Variants in PPP2R1A observed in about 807,000 individuals in gnomAD.
PPP2R1A encodes protein phosphatase 2 scaffold subunit Aalpha, also known as serine/threonine-protein phosphatase 2A 65 kDa regulatory subunit A alpha isoform.
PPP2R1A carries 15 observed loss-of-function variants against 67.1 expected under a neutral mutation model. The observed-to-expected ratio is 0.22, with a 90% CI of 0.15 to 0.34. PPP2R1A has a LOEUF of 0.34. PPP2R1A is among the 10% of genes least tolerant of loss of function. PPP2R1A has a pLI of 1.00. For synonymous variants in PPP2R1A, 337 were observed against 325.0 expected, an observed-to-expected ratio of 1.04 and a Z score of -0.40; for missense variants, 369 against 775.0, an observed-to-expected ratio of 0.48 and a Z score of 6.22.
At chr19:52,222,015 C>T (rs1978964507) in intron 12 of PPP2R1A, 84 bp from the exon 13 acceptor site, 1 of 1,397,478 alleles carries the variant, frequency 7.2e-7, no homozygotes. Flanking sequence ...TGATGATCAC[C>T]AGAGTGGCCT....
intron 2 of PPP2R1A, among the ~76,000 whole-genome samples, chr19:52,204,243 A>G (rs145602745): frequency 1.1e-3 from 168 of 152,354 alleles, no homozygotes; most frequent in African/African-American, 4.0e-3. Flanking sequence ...TTGGAGAAGA[A>G]CAGTGACCAC....
rs1241423356 is a variant in PPP2R1A, at chr19:52,221,124, C to T, written c.1509C>T (p.Phe503=). Reference sequence around the variant, plus strand: ...ACCTGCACCGCATGACTACGCTCTTCTGCATCAATGTGAGCCTTCCACCTG... The same window carrying T: ...ACCTGCACCGCATGACTACGCTCTTTTGCATCAATGTGAGCCTTCCACCTG... The part of the protein sequence containing the change: ...PNYLHRMTTL[F]CINVLSEVCG... The change falls in exon 12 of 15, where the codon TTC becomes TTT. Residue 503 remains phenylalanine, a synonymous_variant. Transcript: ENST00000322088. The T allele has an allele frequency of 6.2e-7, 1 of 1,614,216 alleles. No homozygotes were observed. The highest frequency in any genetic ancestry group is 1.7e-5 in the Admixed American group (1 of 60,030).
In PPP2R1A at chr19:52,213,243, C is replaced by G; in HGVS notation, c.807+133C>G. On this transcript the variant is annotated intron_variant, in intron 6 of 14. Coordinates refer to ENST00000322088, the MANE Select transcript of PPP2R1A (RefSeq NM_014225.6). This position sits in a 1 kb window ranked among gnomAD's most constrained non-coding sequence, Gnocchi z 4.2. ...GTTTGAGCAATAAGATCTCTATGAT[C>G]ATCTAACTGCGTCTCGCTTCGTGTG... 1 of 1,148,348 alleles carries G rather than the reference C, an allele frequency of 8.7e-7. No homozygotes were observed. Among genetic ancestry groups the G allele is most frequent in the Non-Finnish European group, 1.2e-6 (1 of 858,268 alleles). 71.1% of individuals were successfully genotyped at this position (1,148,348 alleles called of 1,614,324 possible).
At chr19:52,196,060 G>A (rs1261842885) in intron 1 of PPP2R1A, among the ~76,000 whole-genome samples, 1 of 152,132 alleles carries the variant, frequency 6.6e-6, no homozygotes, top group Non-Finnish European at 1.5e-5. Flanking sequence ...CATACAAAAA[G>A]CGCCTTGGAG....
chr19:52,209,415 A>G (rs151076768), intron 3 of PPP2R1A, among the ~76,000 whole-genome samples: 2 of 152,238 alleles, frequency 1.3e-5, no homozygotes, highest in Non-Finnish European at 2.9e-5. Context: ...TGACAGTGAC[A>G]TTATGCTGGC....
intron 13 of PPP2R1A, chr19:52,222,460 A>G (rs1978997192): frequency 1.9e-6 from 1 of 533,194 alleles, no homozygotes; most frequent in East Asian, 3.5e-5. Flanking sequence ...GCAGTCCTGT[A>G]TACTAGCAAC....
intron 1 of PPP2R1A, chr19:52,200,278 G>A (rs1040101946): frequency 5.4e-5 from 8 of 148,054 alleles, no homozygotes; most frequent in Admixed American, 1.3e-4. Flanking sequence ...TGACAGTGCT[G>A]GGAGCTATTA....
chr19:52,195,202 C>A (rs151004755), intron 1 of PPP2R1A, among the ~76,000 whole-genome samples: 1 of 151,984 alleles, frequency 6.6e-6, no homozygotes, highest in African/African-American at 2.4e-5. Flanking sequence ...AGTGGGAAGG[C>A]GGATTTTATT....
chr19:52,218,253 G>GC (rs1300168222), intron 9 of PPP2R1A, among the ~76,000 whole-genome samples: 2 of 151,970 alleles, frequency 1.3e-5, no homozygotes, highest in Non-Finnish European at 2.9e-5. Flanking sequence ...ATACACAGGC[G>GC]CCCACACAGT....
At chr19:52,191,742 C>T (rs1040858251) in intron 1 of PPP2R1A, among the ~76,000 whole-genome samples, 2 of 152,078 alleles carry the variant, frequency 1.3e-5, no homozygotes, top group African/African-American at 4.8e-5. Context: ...TAAATATATG[C>T]CATGTATGAG....
At chr19:52,193,875 G>A (rs2089475503) in intron 1 of PPP2R1A, among the ~76,000 whole-genome samples, 1 of 151,636 alleles carries the variant, frequency 6.6e-6, no homozygotes, top group Non-Finnish European at 1.5e-5. Context: ...ACTTTGGAAG[G>A]CCAAGGTGAA....
At position 52,213,503 on chromosome 19, in the gene PPP2R1A, G is replaced by A. The variant is rs1486331665; in HGVS notation, c.807+393G>A. Among the ~76,000 whole-genome samples, 1 of 118,548 alleles carries A rather than the reference G, an allele frequency of 8.4e-6. No individual in the cohort carries two copies. Among genetic ancestry groups the A allele is most frequent in the East Asian group, 2.6e-4 (1 of 3,868 alleles). The allele number at this position is 118,548 out of a possible 152,430, so 77.8% of individuals were successfully genotyped here. A position where few individuals can be genotyped will look rare whatever the true frequency, so the allele number is the denominator to read the frequency against. ...TTTTTTTTTTAAGATGGAGTCTGTC[G>A]CCCAGGCTAGAGTCTTGTTACCCAG... On this transcript the variant is annotated intron_variant, in intron 6 of 14. Coordinates refer to ENST00000322088, the MANE Select transcript of PPP2R1A (RefSeq NM_014225.6). This position sits in a 1 kb window ranked among gnomAD's most constrained non-coding sequence, Gnocchi z 4.2.
intron 3 of PPP2R1A, among the ~76,000 whole-genome samples, chr19:52,208,891 G>A (rs1005807200): frequency 3.3e-5 from 5 of 152,246 alleles, no homozygotes; most frequent in East Asian, 1.9e-4. Flanking sequence ...GATTTTAGGC[G>A]GTTCACACTC....
chr19:52,208,810 ACT>A (rs1351234750), intron 3 of PPP2R1A, among the ~76,000 whole-genome samples: 1 of 152,058 alleles, frequency 6.6e-6, no homozygotes, highest in Non-Finnish European at 1.5e-5. Context: ...GCAGTTCCTA[ACT>A]CTTTTGGAAT....
In PPP2R1A at chr19:52,216,426, G is replaced by A. The variant is rs751576111; in HGVS notation, c.994-103G>A. ...GCCATCCCCTGCTCTATGAATGAGAGGGGCAGAAGCAGGTTATTGTCTCTT... is the reference window on the plus strand; with the variant it reads ...GCCATCCCCTGCTCTATGAATGAGAAGGGCAGAAGCAGGTTATTGTCTCTT... On this transcript the variant is annotated intron_variant, in intron 8 of 14. Transcript: ENST00000322088. This position sits in a 1 kb window ranked among gnomAD's most constrained non-coding sequence, Gnocchi z 4.3. 9 of 1,430,050 alleles carry A rather than the reference G, an allele frequency of 6.3e-6. No individual in the cohort carries two copies. The highest frequency in any genetic ancestry group is 2.4e-5 in the East Asian group (1 of 42,002). The allele number at this position is 1,430,050 out of a possible 1,614,324, so 88.6% of individuals were successfully genotyped here.
Position 52,201,973 on chromosome 19 carries a change from C to A in PPP2R1A, c.108C>A (p.Ser36=). 6.2e-7 allele frequency: 1 copy of A among 1,614,158 alleles called. No individual in the cohort carries two copies. Among genetic ancestry groups the A allele is most frequent in the Non-Finnish European group, 8.5e-7 (1 of 1,180,014 alleles). Residue 36 remains serine (S), a synonymous_variant, in exon 2 of 15, where the codon TCC becomes TCA. Transcript: ENST00000322088. ...QLRLNSIKKL[S]TIALALGVER... is the part of the protein sequence containing the mutation. ...GCCTCAACAGCATCAAGAAGCTGTC[C>A]ACCATCGCCTTGGCCCTTGGGGTTG...
At chr19:52,194,889 G>C (rs771825002) in intron 1 of PPP2R1A, among the ~76,000 whole-genome samples, 1 of 152,186 alleles carries the variant, frequency 6.6e-6, no homozygotes, top group African/African-American at 2.4e-5. Context: ...CTGGGGAACC[G>C]TGTGGGACCA....
At chr19:52,190,826 G>A (rs932047351) in intron 1 of PPP2R1A, among the ~76,000 whole-genome samples, 1 of 152,152 alleles carries the variant, frequency 6.6e-6, no homozygotes, top group Non-Finnish European at 1.5e-5. Flanking sequence ...ACCAGGATAG[G>A]GGTTGAGGGA....
chr19:52,215,484 G>A (rs541409619), intron 6 of PPP2R1A, among the ~76,000 whole-genome samples: 19 of 152,306 alleles, frequency 1.2e-4, no homozygotes, highest in African/African-American at 4.3e-4. Flanking sequence ...TCAGGTAACA[G>A]AAAACTTAAC....
Sources: gnomAD v4.1 joint callset for allele counts (sites outside exome capture counted in the v4.1 genomes callset) on GRCh38, gnomAD v4.1.1 for gene constraint, Gnocchi (gnomAD v3.1) non-coding constraint, MANE v1.5 for transcripts, NCBI Gene and HGNC (gene_info 2026-07-23, HGNC 2026-07-21) for gene names.